FBXO9: variants seen among roughly 807,000 people sequenced by gnomAD.
The protein encoded by FBXO9 is F-box protein 9.
FBXO9 carries 43 observed loss-of-function variants against 63.7 expected under a neutral mutation model. The ratio of observed to expected loss-of-function variants is 0.67; its 90% CI spans 0.53 to 0.87. The LOEUF is 0.87. Ranked by LOEUF, FBXO9 falls within the 40% of genes least tolerant of loss-of-function variation. FBXO9 has a pLI of 0.00. For missense variants in FBXO9, 442 were observed against 533.2 expected, an observed-to-expected ratio of 0.83 and a Z score of 1.68; for synonymous variants, 156 against 171.7, an observed-to-expected ratio of 0.91 and a Z score of 0.72.
At chr6:53,086,113 C>T (rs973711101) in intron 7 of FBXO9, among the ~76,000 whole-genome samples, 3 of 152,062 alleles carry the variant, frequency 2.0e-5, no homozygotes, top group East Asian at 1.9e-4. Context: ...CGCACCATTG[C>T]GCTCCAGCCT....
chr6:53,094,225 T>C (rs1211921819), intron 11 of FBXO9, among the ~76,000 whole-genome samples: 1 of 152,220 alleles, frequency 6.6e-6, no homozygotes, highest in Non-Finnish European at 1.5e-5. Flanking sequence ...AATGTAAAGC[T>C]GAAATCTCTT....
At chr6:53,096,717 C>A (rs1191717604) in intron 12 of FBXO9, among the ~76,000 whole-genome samples, 2 of 152,044 alleles carry the variant, frequency 1.3e-5, no homozygotes, top group African/African-American at 4.8e-5. Context: ...CCAGCCTGGG[C>A]AAAACTGGGT....
At position 53,081,060 on chromosome 6, in the gene FBXO9, G is replaced by A; in HGVS notation, c.500G>A (p.Cys167Tyr). The A allele has an allele frequency of 6.2e-7, 1 of 1,612,972 alleles. No homozygotes were observed. The highest frequency in any genetic ancestry group is 8.5e-7 in the Non-Finnish European group (1 of 1,179,858). The change falls in exon 6 of 13, where the codon TGT (cysteine) becomes TAT (tyrosine). Residue 167 changes from cysteine to tyrosine, a missense_variant. This residue lies in a region of FBXO9 where 262 missense variants were observed against 362.1 expected (regional missense o/e 0.72). Transcript: ENST00000323557. The stretch of plus-strand genomic sequence containing the variant: ...TTTCAGGAGTCTGTGCTTAAACTGT[G>A]TCAGCCTGAGCTTGAGAGCAGTCAG... ...LTFQESVLKL[C>Y]QPELESSQIH...
chr6:53,089,370 C>T (rs755256418), intron 7 of FBXO9, among the ~76,000 whole-genome samples: 16 of 152,086 alleles, frequency 1.1e-4, no homozygotes, highest in Admixed American at 2.6e-4. Flanking sequence ...CCACCGTGCC[C>T]GGCCAGCCCT....
In FBXO9 at chr6:53,092,489, T is replaced by C; in HGVS notation, c.714T>C (p.Leu238=). The C allele has an allele frequency of 6.2e-7, 1 of 1,614,024 alleles. No individual in the cohort carries two copies. Among genetic ancestry groups the C allele is most frequent in the Non-Finnish European group, 8.5e-7 (1 of 1,179,896 alleles). Residue 238 remains leucine, a synonymous_variant, in exon 8 of 13, where the codon CTT becomes CTC. Coordinates refer to ENST00000323557, the MANE Select transcript of FBXO9 (RefSeq NM_033480.3). ...TTTGGGGCAGAAGCTGTATTAAACT[T>C]GTTCCGTACACGTCCTGGAGAGAGA... ...LKVWGRSCIK[L]VPYTSWREMF...
At position 53,075,140 on chromosome 6, in the gene FBXO9, T is replaced by A. The variant is rs186474058; in HGVS notation, c.250-1346T>A. Among the ~76,000 whole-genome samples, 668 of 151,994 alleles carry A rather than the reference T, an allele frequency of 4.4e-3. 5 individuals are homozygous for A. Among genetic ancestry groups the A allele is most frequent in the Non-Finnish European group, 5.4e-3 (369 of 67,990 alleles). Reference sequence around the variant, plus strand: ...ACTTTTTAATTTAATTTAATTAATTTATTTATTTATTTTAAGACAGAGTCT... The same window carrying A: ...ACTTTTTAATTTAATTTAATTAATTAATTTATTTATTTTAAGACAGAGTCT... On this transcript the variant is annotated intron_variant, in intron 3 of 12. Coordinates refer to ENST00000323557, the MANE Select transcript of FBXO9 (RefSeq NM_033480.3).
At position 53,097,719 on chromosome 6, in the gene FBXO9, C is replaced by T. The variant is rs372298001; in HGVS notation, c.1206-3C>T. 1.2e-5 allele frequency: 19 copies of T among 1,566,160 alleles called. No individual in the cohort carries two copies. The highest frequency in any genetic ancestry group is 1.6e-5 in the Non-Finnish European group (18 of 1,149,748). On this transcript the variant is annotated splice_region_variant and splice_polypyrimidine_tract_variant and intron_variant, in intron 12 of 12. Transcript: ENST00000323557. ...CTAGTAATTTTGTGCTTTTTTTTTA[C>T]AGATCAACTGGTGAGACTGCAGTCA...
intron 1 of FBXO9, chr6:53,067,796 C>T (rs1214828805): frequency 6.6e-6 from 1 of 152,052 alleles, no homozygotes; most frequent in Non-Finnish European, 1.5e-5. Flanking sequence ...GGAAAAGCTC[C>T]CAACTTAAAG....
Position 53,078,867 on chromosome 6 carries a change from T to C in FBXO9, c.376T>C (p.Ser126Pro). 1 of 1,613,868 alleles carries C rather than the reference T, an allele frequency of 6.2e-7. No individual in the cohort carries two copies. The highest frequency in any genetic ancestry group is 8.5e-7 in the Non-Finnish European group (1 of 1,179,780). The part of the protein sequence containing the change: ...DIEFKITYTR[S>P]PDGDGVGNSY... ...AGAGTTCAAGATTACTTATACCCGG[T>C]CTCCAGATGGTGATGGCGTTGGAAA... Residue 126 changes from serine (S) to proline (P), a missense_variant, in exon 5 of 13, where the codon TCT becomes CCT. Around this residue, in one of 2 missense-constraint regions of FBXO9, gnomAD observed 180 missense variants for 171.1 expected, o/e 1.05. Transcript: ENST00000323557.
At position 53,097,899 on chromosome 6, in the gene FBXO9, T is replaced by C; in HGVS notation, c.*69T>C. 2.2e-6 allele frequency: 1 copy of C among 464,048 alleles called. No homozygotes were observed. The highest frequency in any genetic ancestry group is 2.3e-5 in the South Asian group (1 of 42,806). The allele number at this position is 464,048 out of a possible 1,614,324, so 28.7% of individuals were successfully genotyped here. A position where few individuals can be genotyped will look rare whatever the true frequency, so the allele number is the denominator to read the frequency against. On this transcript the variant is annotated 3_prime_UTR_variant, in exon 13 of 13. Coordinates refer to ENST00000323557, the MANE Select transcript of FBXO9 (RefSeq NM_033480.3). ...ATATAGCGCAAAAGAGCACCTAAGTTATAAATGTGTGTGTGTGCGTGTGTG... is the reference window on the plus strand; with the variant it reads ...ATATAGCGCAAAAGAGCACCTAAGTCATAAATGTGTGTGTGTGCGTGTGTG...
chr6:53,086,074 G>T (rs756665222), intron 7 of FBXO9, among the ~76,000 whole-genome samples: 1 of 152,178 alleles, frequency 6.6e-6, no homozygotes, highest in African/African-American at 2.4e-5. Context: ...GCTTGAACCC[G>T]GTAGGCGGAG....
intron 7 of FBXO9, 136 bp downstream of exon 7, chr6:53,082,754 G>A (rs1439658825): frequency 1.6e-6 from 1 of 613,320 alleles, no homozygotes; most frequent in African/African-American, 1.8e-5. Context: ...TTGCTAAGCT[G>A]TACTTAACTT....
At position 53,074,712 on chromosome 6, in the gene FBXO9, G is replaced by A. The variant is rs115174964; in HGVS notation, c.249+1073G>A. ...AATGTTGTATAAGTGGAATCATCCA[G>A]TATGTAACCTTTTGAGATTGGCTTT... On this transcript the variant is annotated intron_variant, in intron 3 of 12. Transcript: ENST00000323557. Among the ~76,000 whole-genome samples, 514 of 152,324 alleles carry A rather than the reference G, an allele frequency of 3.4e-3. 1 individual carries two copies. The highest frequency in any genetic ancestry group is 0.012 in the African/African-American group (495 of 41,564).
intron 12 of FBXO9, 75 bp from the exon 13 acceptor site, chr6:53,097,647 C>A: frequency 1.2e-6 from 1 of 802,836 alleles, no homozygotes; most frequent in Non-Finnish European, 2.0e-6. Flanking sequence ...ATAGAATAAC[C>A]TTCCCCAAAC....
chr6:53,071,243 G>GCATGGAATTTAACTGTTTC (rs1768905406), intron 2 of FBXO9, 100 bp downstream of exon 2: 2 of 1,157,754 alleles, frequency 1.7e-6, no homozygotes, highest in Non-Finnish European at 2.4e-6. Context: ...ATTACTGTTT[G>GCATGGAATTTAACTGTTTC]CATGGAATTT....
At position 53,065,623 on chromosome 6, in the gene FBXO9, C is replaced by T. The variant is rs1376528197; in HGVS notation, c.-167C>T. 2 of 789,970 alleles carry T rather than the reference C, an allele frequency of 2.5e-6. No individual in the cohort carries two copies. Among genetic ancestry groups the T allele is most frequent in the Non-Finnish European group, 1.7e-6 (1 of 572,738 alleles). 48.9% of individuals were successfully genotyped at this position (789,970 alleles called of 1,614,324 possible). A position where few individuals can be genotyped will look rare whatever the true frequency, so the allele number is the denominator to read the frequency against. On this transcript the variant is annotated 5_prime_UTR_variant, in exon 1 of 13. Transcript: ENST00000323557. ...GAAGATGGCTGCCGTACGCCGGGCCCGCAGTTATTGCCGCTGCCTGGTGCG... is the reference window on the plus strand; with the variant it reads ...GAAGATGGCTGCCGTACGCCGGGCCTGCAGTTATTGCCGCTGCCTGGTGCG...
At chr6:53,077,330 C>CG (rs1562066105) in intron 4 of FBXO9, among the ~76,000 whole-genome samples, 2 of 151,644 alleles carry the variant, frequency 1.3e-5, no homozygotes, top group East Asian at 3.9e-4. Flanking sequence ...AAAAATTAGC[C>CG]GGCGTAGTGG....
At chr6:53,096,531 A>G (rs1324248345) in intron 12 of FBXO9, among the ~76,000 whole-genome samples, 1 of 152,122 alleles carries the variant, frequency 6.6e-6, no homozygotes, top group Non-Finnish European at 1.5e-5. Flanking sequence ...TTTCTTTCTC[A>G]TCTTTGCCTA....
chr6:53,083,845 T>C (rs1268016293), intron 7 of FBXO9, among the ~76,000 whole-genome samples: 1 of 152,226 alleles, frequency 6.6e-6, no homozygotes, highest in Non-Finnish European at 1.5e-5. Flanking sequence ...TGATCAGTCA[T>C]CCTGTAGTTA....
Sources: gnomAD v4.1 joint callset for allele counts (sites outside exome capture counted in the v4.1 genomes callset) on GRCh38, gnomAD v4.1.1 for gene constraint, gnomAD v4.1.1 regional missense constraint, MANE v1.5 for transcripts, NCBI Gene and HGNC (gene_info 2026-07-23, HGNC 2026-07-21) for gene names.